HEMK2: variants seen among roughly 807,000 people sequenced by gnomAD.
HEMK2 encodes the protein HemK methyltransferase 2, ETF1 glutamine and histone H4 lysine, also known as methyltransferase HEMK2.
the HEMK2 span, among the ~76,000 whole-genome samples, chr21:28,833,227 T>C: frequency 2.0e-5 from 3 of 152,236 alleles, no homozygotes; most frequent in African/African-American, 4.8e-5. Flanking sequence ...ACTTATAGTT[T>C]GATTAGAAAG....
chr21:28,621,711 T>C, the HEMK2 span, among the ~76,000 whole-genome samples: 1 of 152,166 alleles, frequency 6.6e-6, no homozygotes, highest in Admixed American at 6.5e-5. Context: ...AGAACCTTCT[T>C]AAGGGTGGGA....
At chr21:28,772,901 T>C in the HEMK2 span, among the ~76,000 whole-genome samples, 902 of 152,324 alleles carry the variant, frequency 5.9e-3, 8 homozygotes, top group African/African-American at 0.02. Flanking sequence ...AAAGACAGCA[T>C]GTTATTCATT....
At chr21:28,744,887 T>C in the HEMK2 span, among the ~76,000 whole-genome samples, 1 of 150,058 alleles carries the variant, frequency 6.7e-6, no homozygotes, top group South Asian at 2.1e-4. Context: ...AACACTTTTA[T>C]GGGGTTTTTT....
the HEMK2 span, chr21:28,874,179 T>C: frequency 2.6e-5 from 4 of 152,256 alleles, no homozygotes; most frequent in African/African-American, 7.2e-5. Flanking sequence ...TCCATGATCA[T>C]GGGCCCACTG....
chr21:28,631,552 A>G, the HEMK2 span, among the ~76,000 whole-genome samples: 1 of 152,158 alleles, frequency 6.6e-6, no homozygotes, highest in Non-Finnish European at 1.5e-5. Context: ...GCCCAACCCA[A>G]AAGTTTCATA....
At chr21:28,733,661 C>CAA in the HEMK2 span, among the ~76,000 whole-genome samples, 2 of 152,098 alleles carry the variant, frequency 1.3e-5, no homozygotes, top group African/African-American at 4.8e-5. Flanking sequence ...CCATTTTTTT[C>CAA]ACACACAGGA....
chr21:28,876,376 C>T, the HEMK2 span: 2 of 1,573,658 alleles, frequency 1.3e-6, no homozygotes, highest in Non-Finnish European at 1.7e-6. Context: ...TCTGGGCACA[C>T]ACTGTATGCT....
the HEMK2 span, among the ~76,000 whole-genome samples, chr21:28,615,140 G>A: frequency 1.3e-5 from 2 of 152,028 alleles, no homozygotes; most frequent in South Asian, 4.2e-4. Flanking sequence ...CTGCAAATAA[G>A]GGAAGAATTT....
the HEMK2 span, among the ~76,000 whole-genome samples, chr21:28,750,700 CA>C: frequency 0.26 from 20,592 of 80,068 alleles, 1,324 homozygotes; most frequent in East Asian, 0.4. Context: ...GGCTCCATCT[CA>C]AAAAAAAAAA....
At chr21:28,637,556 T>A in the HEMK2 span, among the ~76,000 whole-genome samples, 1 of 152,106 alleles carries the variant, frequency 6.6e-6, no homozygotes, top group Non-Finnish European at 1.5e-5. Context: ...GCCACACAAA[T>A]GCCTCACTTC....
At chr21:28,701,847 G>C in the HEMK2 span, among the ~76,000 whole-genome samples, 1 of 151,928 alleles carries the variant, frequency 6.6e-6, no homozygotes, top group East Asian at 1.9e-4. Flanking sequence ...AATTCATATG[G>C]AACCAAAAAA....
At chr21:28,730,418 A>ACACACACACACACACACATAATTTAT in the HEMK2 span, among the ~76,000 whole-genome samples, 18 of 142,294 alleles carry the variant, frequency 1.3e-4, no homozygotes, top group African/African-American at 4.8e-4. Flanking sequence ...ACACACACAC[A>ACACACACACACACACACATAATTTAT]TTTCTCACAA....
chr21:28,755,351 T>G, the HEMK2 span, among the ~76,000 whole-genome samples: 1 of 152,196 alleles, frequency 6.6e-6, no homozygotes, highest in Non-Finnish European at 1.5e-5. Context: ...ACCACGTACA[T>G]GTACACACAA....
At chr21:28,677,029 G>A in the HEMK2 span, among the ~76,000 whole-genome samples, 1 of 152,210 alleles carries the variant, frequency 6.6e-6, no homozygotes, top group Non-Finnish European at 1.5e-5. Context: ...TCATCTCACT[G>A]GGGAGTGTCA....
At chr21:28,851,767 G>C in the HEMK2 span, among the ~76,000 whole-genome samples, 1 of 152,114 alleles carries the variant, frequency 6.6e-6, no homozygotes, top group African/African-American at 2.4e-5. Flanking sequence ...AGTGATCAAG[G>C]TCTCTCCAAA....
the HEMK2 span, among the ~76,000 whole-genome samples, chr21:28,603,575 G>GTA: frequency 6.6e-6 from 1 of 151,262 alleles, no homozygotes; most frequent in Non-Finnish European, 1.5e-5. Context: ...GTGTGTGTGT[G>GTA]TGTGTGTGTG....
chr21:28,866,560 G>C, the HEMK2 span, among the ~76,000 whole-genome samples: 1 of 152,072 alleles, frequency 6.6e-6, no homozygotes, highest in Non-Finnish European at 1.5e-5. Flanking sequence ...TTGTGATGGT[G>C]CACATCTGTG....
At chr21:28,588,411 C>T in the HEMK2 span, among the ~76,000 whole-genome samples, 1 of 152,238 alleles carries the variant, frequency 6.6e-6, no homozygotes, top group East Asian at 1.9e-4. Context: ...CCCAACCCAC[C>T]TGATTGATCC....
the HEMK2 span, among the ~76,000 whole-genome samples, chr21:28,756,631 G>A: frequency 1.3e-5 from 2 of 152,186 alleles, no homozygotes; most frequent in African/African-American, 4.8e-5. Context: ...CCTTTTGCCA[G>A]AGAGTTTAGC....
Sources: gnomAD v4.1 joint callset for allele counts (sites outside exome capture counted in the v4.1 genomes callset) on GRCh38, gnomAD v4.1.1 for gene constraint, MANE v1.5 for transcripts, NCBI Gene and HGNC (gene_info 2026-07-23, HGNC 2026-07-21) for gene names.